The following PCSK2 variants were observed in gnomAD, a reference collection of about 807,000 sequenced individuals.
PCSK2 encodes proprotein convertase subtilisin/kexin type 2.
Under a neutral mutation model 69.7 loss-of-function variants are expected in PCSK2, and 14 were observed. The observed-to-expected ratio is 0.20, with a 90% confidence interval of 0.13 to 0.31. The LOEUF is 0.31. PCSK2 is among the 10% of genes least tolerant of loss of function. PCSK2 has a pLI of 1.00. For missense variants in PCSK2, 544 were observed against 842.5 expected, an observed-to-expected ratio of 0.65 and a Z score of 4.39; for synonymous variants, 307 against 320.7, an observed-to-expected ratio of 0.96 and a Z score of 0.46.
At chr20:17,401,038 G>C (rs927211231) in intron 5 of PCSK2, among the ~76,000 whole-genome samples, 1 of 152,162 alleles carries the variant, frequency 6.6e-6, no homozygotes, top group Non-Finnish European at 1.5e-5. Context: ...AGGTGGAATT[G>C]CTGGGTCAAA....
intron 5 of PCSK2, among the ~76,000 whole-genome samples, chr20:17,370,352 AG>A (rs1419885503): frequency 6.6e-6 from 1 of 152,192 alleles, no homozygotes; most frequent in Non-Finnish European, 1.5e-5. Flanking sequence ...GCACAAAGAA[AG>A]GGGGAATATT....
intron 8 of PCSK2, among the ~76,000 whole-genome samples, chr20:17,442,785 C>G (rs894234043): frequency 6.6e-6 from 1 of 152,156 alleles, no homozygotes; most frequent in African/African-American, 2.4e-5. Flanking sequence ...CCCTTTTACG[C>G]CCCCTTCAGG....
intron 4 of PCSK2, among the ~76,000 whole-genome samples, chr20:17,367,611 T>C (rs1262933054): frequency 6.6e-6 from 1 of 152,236 alleles, no homozygotes; most frequent in Non-Finnish European, 1.5e-5. Context: ...GATTTGTTTG[T>C]TGTTTCCTTT....
At chr20:17,348,325 C>A (rs1395095777) in intron 2 of PCSK2, among the ~76,000 whole-genome samples, 2 of 152,188 alleles carry the variant, frequency 1.3e-5, no homozygotes, top group Non-Finnish European at 2.9e-5. Context: ...GTGAGATGAG[C>A]CTAGCTTGAG....
At chr20:17,317,603 A>G (rs1024420529) in intron 2 of PCSK2, among the ~76,000 whole-genome samples, 5 of 152,246 alleles carry the variant, frequency 3.3e-5, no homozygotes, top group East Asian at 1.9e-4. Flanking sequence ...CTCCACCTCA[A>G]TACAACTCCC....
At chr20:17,378,578 T>A (rs2030994824) in intron 5 of PCSK2, among the ~76,000 whole-genome samples, 1 of 149,232 alleles carries the variant, frequency 6.7e-6, no homozygotes, top group South Asian at 2.1e-4. Context: ...GACTGAATTA[T>A]GGATGGATGG....
In PCSK2 at chr20:17,315,477, C is replaced by T. The variant is rs564470304; in HGVS notation, c.283-42850C>T. On this transcript the variant is annotated intron_variant, in intron 2 of 11. Coordinates refer to ENST00000262545, the MANE Select transcript of PCSK2 (RefSeq NM_002594.5). ...CTGGCCCTCCAGAGGGGGCCTCCCTCCTGCGCGGAAAGCGTCCCGGTGCAC... is the reference window on the plus strand; with the variant it reads ...CTGGCCCTCCAGAGGGGGCCTCCCTTCTGCGCGGAAAGCGTCCCGGTGCAC... Among the ~76,000 whole-genome samples the T allele has an allele frequency of 9.7e-4, 147 of 152,318 alleles. 1 individual carries two copies. The highest frequency in any genetic ancestry group is 9.5e-3 in the Admixed American group (146 of 15,306).
In PCSK2 at chr20:17,402,961, A is replaced by C. The variant is rs2123292030; in HGVS notation, c.544-6302A>C. On this transcript the variant is annotated intron_variant, in intron 5 of 11. Coordinates refer to ENST00000262545, the MANE Select transcript of PCSK2 (RefSeq NM_002594.5). ...GACAGAGCGAGACTCCGTCTCAAAA[A>C]AAAAAAGAAAAGAAAAGAAGAAAAG... Among the ~76,000 whole-genome samples the C allele has an allele frequency of 2.0e-5, 3 of 152,298 alleles. No homozygotes were observed. The East Asian group carries it at 5.8e-4, about 29-fold the overall frequency.
intron 2 of PCSK2, among the ~76,000 whole-genome samples, chr20:17,336,439 T>A (rs1990352908): frequency 6.6e-6 from 1 of 152,226 alleles, no homozygotes; most frequent in Non-Finnish European, 1.5e-5. Context: ...TCCCCAGCAC[T>A]GTGCGAATGT....
intron 5 of PCSK2, among the ~76,000 whole-genome samples, chr20:17,394,110 C>A (rs2031452891): frequency 6.6e-6 from 1 of 152,146 alleles, no homozygotes; most frequent in African/African-American, 2.4e-5. Context: ...CCAGCCTGGG[C>A]AACATAGCAA....
chr20:17,317,338 C>A (rs956354533), intron 2 of PCSK2, among the ~76,000 whole-genome samples: 4 of 152,192 alleles, frequency 2.6e-5, no homozygotes, highest in Non-Finnish European at 5.9e-5. Context: ...GTGAATTCTG[C>A]AAATTCACAA....
intron 2 of PCSK2, among the ~76,000 whole-genome samples, chr20:17,330,414 A>C (rs6105741): frequency 0.44 from 66,306 of 151,714 alleles, 16,066 homozygotes; most frequent in South Asian, 0.55. Flanking sequence ...CAACATGGCG[A>C]AACCCCGTCT....
In PCSK2 at chr20:17,478,506, TA is replaced by T. The variant is rs556571960; in HGVS notation, c.1431-3070del. ...AAGTATAAATCCAAAAACTTTAAAT[TA>T]AAAAAAATCGATTTACTAATCCTCA... On this transcript the variant is annotated intron_variant, in intron 11 of 11. Transcript: ENST00000262545. Among the ~76,000 whole-genome samples the T allele has an allele frequency of 6.8e-4, 103 of 152,136 alleles. 1 individual carries two copies. The highest frequency in any genetic ancestry group is 1.4e-3 in the Admixed American group (22 of 15,280).
chr20:17,479,511 A>C (rs1197298053), intron 11 of PCSK2: 2 of 394,352 alleles, frequency 5.1e-6, no homozygotes, highest in African/African-American at 2.1e-5. Context: ...CCACACAAGA[A>C]TCATACGGCC....
At position 17,453,568 on chromosome 20, in the gene PCSK2, A is replaced by T. The variant is rs2032865285; in HGVS notation, c.886-174A>T. Among the ~76,000 whole-genome samples, 1 of 152,220 alleles carries T rather than the reference A, an allele frequency of 6.6e-6. No individual in the cohort carries two copies. Among genetic ancestry groups the T allele is most frequent in the Non-Finnish European group, 1.5e-5 (1 of 68,042 alleles). ...TTAGATTGAATTCTTCCTGGAAAAA[A>T]AAAGTTTCCCACAATGCCCTGCCAG... On this transcript the variant is annotated intron_variant, in intron 8 of 11. Transcript: ENST00000262545. This position sits in a 1 kb window ranked among gnomAD's most constrained non-coding sequence, Gnocchi z 4.0.
Position 17,271,971 on chromosome 20 carries a change from A to G in PCSK2, c.282+11627A>G, listed in dbSNP as rs143732445. 8.5e-5 allele frequency among the ~76,000 whole-genome samples: 13 copies of G among 152,234 alleles called. No individual in the cohort carries two copies. In the East Asian group the frequency reaches 2.5e-3, roughly 29 times the overall value. On this transcript the variant is annotated intron_variant, in intron 2 of 11. Coordinates refer to ENST00000262545, the MANE Select transcript of PCSK2 (RefSeq NM_002594.5). Reference sequence around the variant, plus strand: ...TTCATTATTTGCCAAGGTAGTCCACATAAAAGTTCTTCCTTAAGGGAATTC... The same window carrying G: ...TTCATTATTTGCCAAGGTAGTCCACGTAAAAGTTCTTCCTTAAGGGAATTC...
rs201718679 is a variant in PCSK2, at chr20:17,260,292, C to A, written c.230C>A (p.Ala77Asp). 181 of 1,613,796 alleles carry A rather than the reference C, an allele frequency of 1.1e-4. 1 individual carries two copies. Among genetic ancestry groups the A allele is most frequent in the Non-Finnish European group, 1.4e-4 (163 of 1,179,888 alleles). ...YHFYHNGLAK[A>D]KRRRSLHHKQ... The stretch of plus-strand genomic sequence containing the variant: ...TTTTATCACAATGGCCTTGCAAAGG[C>A]CAAGAGAAGACGCAGCCTACACCAC... Residue 77 changes from alanine (A) to aspartate (D), a missense_variant, in exon 2 of 12, where the codon GCC becomes GAC. This residue lies in a region of PCSK2 where 157 missense variants were observed against 155.0 expected (regional missense o/e 1.01). Coordinates refer to ENST00000262545, the MANE Select transcript of PCSK2 (RefSeq NM_002594.5).
At chr20:17,363,537 T>C (rs1014389092) in intron 4 of PCSK2, among the ~76,000 whole-genome samples, 1 of 152,112 alleles carries the variant, frequency 6.6e-6, no homozygotes, top group Non-Finnish European at 1.5e-5. Context: ...ACCTGGAAAA[T>C]GGAATGTGAT....
intron 8 of PCSK2, among the ~76,000 whole-genome samples, chr20:17,439,330 G>T (rs1367635841): frequency 1.3e-5 from 2 of 151,896 alleles, no homozygotes; most frequent in Non-Finnish European, 2.9e-5. Flanking sequence ...TCACCATGTT[G>T]CCCAGGCTAG....
Sources: allele counts gnomAD v4.1 joint callset (sites outside exome capture counted in the v4.1 genomes callset), GRCh38; gene constraint gnomAD v4.1.1; regional missense constraint gnomAD v4.1.1; non-coding constraint Gnocchi (gnomAD v3.1); transcripts MANE v1.5; gene names NCBI Gene and HGNC (gene_info 2026-07-23, HGNC 2026-07-21).